The following SLC26A11 variants were observed in gnomAD, a reference collection of about 807,000 sequenced individuals.
The protein encoded by SLC26A11 is sodium-independent sulfate anion transporter.
In SLC26A11, 58 loss-of-function variants were observed where a neutral mutation model predicts 62.2. The observed-to-expected ratio is 0.93, with a 90% CI of 0.76 to 1.16. The LOEUF (loss-of-function observed/expected upper bound fraction) is 1.16. Among genes scored for constraint, SLC26A11 ranks in the 50% most tolerant of loss-of-function variants. The probability of loss-of-function intolerance (pLI) is 0.00; values close to 1 mark genes in which losing one functional copy is unlikely to be tolerated. For missense variants in SLC26A11, 790 were observed against 794.3 expected (o/e 0.99, Z 0.06); for synonymous variants, 411 against 368.9 (o/e 1.11, Z -1.31).
chr17:80,251,713 A>G (rs1211346363), intron 17 of SLC26A11, among the ~76,000 whole-genome samples: 6 of 150,718 alleles, frequency 4.0e-5, no homozygotes, highest in African/African-American at 1.5e-4. Flanking sequence ...TACTGAGCCG[A>G]GATTGTGCCA....
chr17:80,226,412 C>T (rs1478582943), intron 6 of SLC26A11, among the ~76,000 whole-genome samples: 2 of 152,038 alleles, frequency 1.3e-5, no homozygotes, highest in Non-Finnish European at 2.9e-5. Flanking sequence ...TTTAAAGAGC[C>T]TCTGATGGCC....
intron 5 of SLC26A11, among the ~76,000 whole-genome samples, chr17:80,224,829 G>A (rs920465825): frequency 4.6e-5 from 7 of 152,108 alleles, no homozygotes; most frequent in Admixed American, 3.9e-4. Flanking sequence ...CCCTAGCCCC[G>A]CCCAGGGACT....
chr17:80,241,733 A>G (rs1411590958), intron 9 of SLC26A11, 38 bp from the exon 10 acceptor site: 1 of 1,605,388 alleles, frequency 6.2e-7, no homozygotes, highest in African/African-American at 1.3e-5. Context: ...GCGATGTTGA[A>G]TATTACTGAC....
At position 80,236,918 on chromosome 17, in the gene SLC26A11, T is replaced by C; in HGVS notation, c.737-10T>C. The C allele has an allele frequency of 6.2e-7, 1 of 1,602,534 alleles. No individual in the cohort carries two copies. The highest frequency in any genetic ancestry group is 8.5e-7 in the Non-Finnish European group (1 of 1,170,478). ...GCAGGGTCTCGGACGCACCTCTCCT[T>C]CTCTCCTAGCTCGCAACGCCCTGGT... On this transcript the variant is annotated splice_polypyrimidine_tract_variant and intron_variant, in intron 7 of 17. Coordinates refer to ENST00000361193, the MANE Select transcript of SLC26A11 (RefSeq NM_001166347.2).
intron 10 of SLC26A11, 26 bp downstream of exon 10, chr17:80,241,847 G>A (rs1195285114): frequency 6.2e-7 from 1 of 1,614,122 alleles, no homozygotes; most frequent in Non-Finnish European, 8.5e-7. Context: ...CGGGAAGGAA[G>A]ACACCAGCTG....
chr17:80,237,239 C>G, intron 8 of SLC26A11, 136 bp downstream of exon 8: 1 of 1,088,902 alleles, frequency 9.2e-7, no homozygotes, highest in East Asian at 2.6e-5. Context: ...GAACGGACAT[C>G]TCAGTTATTA....
chr17:80,237,188 G>A, intron 8 of SLC26A11, 85 bp downstream of exon 8: 1 of 1,480,310 alleles, frequency 6.8e-7, no homozygotes, highest in Admixed American at 2.1e-5. Context: ...TCTGCTGGGT[G>A]CCAGGGGGTC....
In SLC26A11 at chr17:80,252,701, C is replaced by T. The variant is rs2043185475; in HGVS notation, c.1806C>T (p.Ala602=). 1.2e-6 allele frequency: 2 copies of T among 1,613,826 alleles called. No individual in the cohort carries two copies. The highest frequency in any genetic ancestry group is 1.7e-6 in the Non-Finnish European group (2 of 1,179,968). Residue 602 remains alanine, a synonymous_variant, in exon 18 of 18, where the codon GCC becomes GCT. Coordinates refer to ENST00000361193, the MANE Select transcript of SLC26A11 (RefSeq NM_001166347.2). The surrounding 1 kb of genome is among the most constrained non-coding windows in gnomAD (Gnocchi z 5.2). The part of the protein sequence containing the change: ...REDSILDQKV[A]LLKA ...ACTCCATTCTGGACCAAAAGGTTGC[C>T]CTGCTCAAGGCATAATGGGGCCACC...
intron 6 of SLC26A11, among the ~76,000 whole-genome samples, chr17:80,226,296 G>A (rs1383538111): frequency 6.6e-6 from 1 of 152,198 alleles, no homozygotes; most frequent in East Asian, 1.9e-4. Flanking sequence ...TTAAGGAGGA[G>A]AACACAGGGC....
Position 80,222,524 on chromosome 17 carries a change from C to A in SLC26A11, c.235-131C>A. The stretch of plus-strand genomic sequence containing the variant: ...GATCACTGCAGGTCCACCCACAGGG[C>A]AGGGCGGTGCACCTTTAACCTGGGC... On this transcript the variant is annotated intron_variant, in intron 3 of 17. Coordinates refer to ENST00000361193, the MANE Select transcript of SLC26A11 (RefSeq NM_001166347.2). The surrounding 1 kb of genome is among the most constrained non-coding windows in gnomAD (Gnocchi z 4.7). The A allele has an allele frequency of 1.1e-6, 1 of 925,176 alleles. No individual in the cohort carries two copies. The highest frequency in any genetic ancestry group is 1.6e-6 in the Non-Finnish European group (1 of 607,970). 57.3% of individuals were successfully genotyped at this position (925,176 alleles called of 1,614,324 possible).
chr17:80,245,141 C>A, intron 10 of SLC26A11, 55 bp from the exon 11 acceptor site: 1 of 1,548,014 alleles, frequency 6.5e-7, no homozygotes, highest in Non-Finnish European at 8.9e-7. Context: ...CATCTCCTTT[C>A]CCTCCATCCT....
intron 6 of SLC26A11, among the ~76,000 whole-genome samples, chr17:80,227,141 G>A (rs954582217): frequency 5.3e-5 from 8 of 152,202 alleles, no homozygotes; most frequent in Admixed American, 3.9e-4. Context: ...TCTTCCCTGG[G>A]CCACACAGGA....
intron 16 of SLC26A11, 77 bp from the exon 17 acceptor site, chr17:80,251,252 G>A: frequency 6.2e-7 from 1 of 1,613,050 alleles, no homozygotes; most frequent in South Asian, 1.1e-5. Context: ...ACTCTGAGAT[G>A]GCAGGTCTAC....
chr17:80,246,117 G>GC lies in SLC26A11; in HGVS notation c.1098-33dup. 1 of 1,612,416 alleles carries GC rather than the reference G, an allele frequency of 6.2e-7. No individual in the cohort carries two copies. The highest frequency in any genetic ancestry group is 8.5e-7 in the Non-Finnish European group (1 of 1,179,366). On this transcript the variant is annotated intron_variant, in intron 11 of 17. Transcript: ENST00000361193. The surrounding 1 kb of genome is among the most constrained non-coding windows in gnomAD (Gnocchi z 4.4). ...GTGGACTGAGGTCTCCCTTTTCCCG[G>GC]CCCCTGGTGACTGACGGTCTCTGTG...
chr17:80,229,935 G>A (rs995250935), intron 7 of SLC26A11, among the ~76,000 whole-genome samples: 6 of 152,160 alleles, frequency 3.9e-5, no homozygotes, highest in Admixed American at 3.3e-4. Context: ...CGGGCATGGT[G>A]GCTCACGCCT....
At position 80,249,811 on chromosome 17, in the gene SLC26A11, G is replaced by A. The variant is rs368545679; in HGVS notation, c.1656+524G>A. On this transcript the variant is annotated intron_variant, in intron 16 of 17. Coordinates refer to ENST00000361193, the MANE Select transcript of SLC26A11 (RefSeq NM_001166347.2). ...TGTAATTCCAGCTACATGGGAGGCTGGGAGAATCGCTTGAACCTGGGAGGT... is the reference window on the plus strand; with the variant it reads ...TGTAATTCCAGCTACATGGGAGGCTAGGAGAATCGCTTGAACCTGGGAGGT... 9.2e-5 allele frequency among the ~76,000 whole-genome samples: 14 copies of A among 152,274 alleles called. No homozygotes were observed. The East Asian group carries it at 2.3e-3, about 25-fold the overall frequency.
At position 80,228,289 on chromosome 17, in the gene SLC26A11, C is replaced by G. The variant is rs542939689; in HGVS notation, c.736+329C>G. Among the ~76,000 whole-genome samples the G allele has an allele frequency of 6.6e-6, 1 of 152,146 alleles. No individual in the cohort carries two copies. The highest frequency in any genetic ancestry group is 1.5e-5 in the Non-Finnish European group (1 of 68,038). ...CTGGGATTACAGGCGCATGCCACCA[C>G]GCTCGACTGATTTTTGTATTTATAG... On this transcript the variant is annotated intron_variant, in intron 7 of 17. Transcript: ENST00000361193. The surrounding 1 kb of genome is among the most constrained non-coding windows in gnomAD (Gnocchi z 4.1).
intron 7 of SLC26A11, among the ~76,000 whole-genome samples, chr17:80,236,147 C>T (rs954180219): frequency 2.0e-5 from 3 of 152,230 alleles, no homozygotes; most frequent in Non-Finnish European, 4.4e-5. Flanking sequence ...GTTTTTTACT[C>T]TGGTGTGAAT....
rs911031630 is a variant in SLC26A11, at chr17:80,222,912, A to G, written c.427+65A>G. 9.4e-5 allele frequency: 142 copies of G among 1,506,098 alleles called. No individual in the cohort carries two copies. The highest frequency in any genetic ancestry group is 1.2e-4 in the Non-Finnish European group (128 of 1,111,880). 93.3% of individuals were successfully genotyped at this position (1,506,098 alleles called of 1,614,324 possible). Reference sequence around the variant, plus strand: ...TCAGCATTTGCTTGTTTGCATTTCAAGTCTATCCCCGTGTGCGTGTGTGTG... The same window carrying G: ...TCAGCATTTGCTTGTTTGCATTTCAGGTCTATCCCCGTGTGCGTGTGTGTG... On this transcript the variant is annotated intron_variant, in intron 4 of 17. Coordinates refer to ENST00000361193, the MANE Select transcript of SLC26A11 (RefSeq NM_001166347.2). The surrounding 1 kb of genome is among the most constrained non-coding windows in gnomAD (Gnocchi z 4.7).
Sources: allele counts gnomAD v4.1 joint callset (sites outside exome capture counted in the v4.1 genomes callset), GRCh38; gene constraint gnomAD v4.1.1; non-coding constraint Gnocchi (gnomAD v3.1); transcripts MANE v1.5; gene names NCBI Gene and HGNC (gene_info 2026-07-23, HGNC 2026-07-21).